Variants in COG5 observed in about 807,000 individuals in gnomAD.
COG5 encodes component of oligomeric golgi complex 5.
Under a neutral mutation model 110.4 loss-of-function variants are expected in COG5, and 86 were observed. The ratio of observed to expected loss-of-function variants is 0.78; its 90% CI spans 0.65 to 0.93. The LOEUF (loss-of-function observed/expected upper bound fraction) is 0.93. Among genes scored for constraint, COG5 ranks in the 40% least tolerant of loss-of-function variants. COG5 has a pLI of 0.00. For missense variants in COG5, 1,077 were observed against 987.0 expected (o/e 1.09, Z -1.22); for synonymous variants, 360 against 334.6 (o/e 1.08, Z -0.83).
chr7:107,528,137 A>C (rs1306691769), intron 5 of COG5, among the ~76,000 whole-genome samples: 1 of 151,638 alleles, frequency 6.6e-6, no homozygotes, highest in Non-Finnish European at 1.5e-5. Context: ...AGTTGCCCAA[A>C]CTGGAGTGCA....
At chr7:107,423,670 A>C (rs1793447451) in intron 6 of COG5, among the ~76,000 whole-genome samples, 1 of 151,990 alleles carries the variant, frequency 6.6e-6, no homozygotes, top group African/African-American at 2.4e-5. Context: ...CAAAAAAAAA[A>C]AACCTACAAA....
At chr7:107,322,514 C>A (rs1229447299) in intron 11 of COG5, among the ~76,000 whole-genome samples, 4 of 151,918 alleles carry the variant, frequency 2.6e-5, no homozygotes, top group Non-Finnish European at 5.9e-5. Context: ...GAAGCTAAAA[C>A]CCCAATAAAA....
At chr7:107,286,059 G>T (rs1562951018) in intron 12 of COG5, among the ~76,000 whole-genome samples, 1 of 152,062 alleles carries the variant, frequency 6.6e-6, no homozygotes, top group Non-Finnish European at 1.5e-5. Flanking sequence ...GATAGGATGA[G>T]GCAAAGGAAG....
chr7:107,516,970 T>G (rs1400689089), intron 6 of COG5, among the ~76,000 whole-genome samples: 3 of 151,954 alleles, frequency 2.0e-5, no homozygotes, highest in African/African-American at 4.8e-5. Flanking sequence ...TCGCAACAGC[T>G]CTCCAGCAAG....
chr7:107,404,182 T>C (rs1306586592), intron 7 of COG5, among the ~76,000 whole-genome samples: 1 of 152,116 alleles, frequency 6.6e-6, no homozygotes, highest in Admixed American at 6.5e-5. Context: ...TGAACTGATA[T>C]TGAAAATGAT....
At chr7:107,518,988 T>A (rs1800139036) in intron 6 of COG5, among the ~76,000 whole-genome samples, 1 of 152,172 alleles carries the variant, frequency 6.6e-6, no homozygotes, top group Non-Finnish European at 1.5e-5. Flanking sequence ...AACTCGGGAT[T>A]AAGAAACTCA....
intron 6 of COG5, among the ~76,000 whole-genome samples, chr7:107,451,472 C>T (rs538992769): frequency 1.2e-4 from 19 of 152,058 alleles, no homozygotes; most frequent in Non-Finnish European, 2.4e-4. Context: ...GGATTGGTAC[C>T]ATACAGAAAC....
intron 16 of COG5, among the ~76,000 whole-genome samples, chr7:107,254,486 G>T (rs1192595296): frequency 6.6e-6 from 1 of 151,984 alleles, no homozygotes; most frequent in African/African-American, 2.4e-5. Context: ...GAGCAATGAA[G>T]TCTCTAACTG....
chr7:107,553,892 C>T (rs1803104472), intron 3 of COG5, among the ~76,000 whole-genome samples: 2 of 152,146 alleles, frequency 1.3e-5, no homozygotes, highest in African/African-American at 4.8e-5. Context: ...AGGCATTGTT[C>T]TAAGTATCTT....
At chr7:107,366,613 G>C (rs1347759098) in intron 8 of COG5, among the ~76,000 whole-genome samples, 1 of 152,078 alleles carries the variant, frequency 6.6e-6, no homozygotes, top group Non-Finnish European at 1.5e-5. Context: ...TCAAGAAAAA[G>C]CAAGTCAGGT....
At chr7:107,218,190 T>C (rs1361585406) in intron 19 of COG5, among the ~76,000 whole-genome samples, 3 of 152,050 alleles carry the variant, frequency 2.0e-5, no homozygotes, top group African/African-American at 7.2e-5. Flanking sequence ...AAAACATTGA[T>C]GAAATAAATT....
intron 5 of COG5, among the ~76,000 whole-genome samples, chr7:107,538,874 TTGAA>T (rs1307419933): frequency 1.3e-5 from 2 of 152,130 alleles, no homozygotes; most frequent in Non-Finnish European, 2.9e-5. Flanking sequence ...GATAAACAAA[TTGAA>T]TGGATAAACA....
At chr7:107,508,093 G>A (rs539011257) in intron 6 of COG5, among the ~76,000 whole-genome samples, 14 of 152,372 alleles carry the variant, frequency 9.2e-5, no homozygotes, top group African/African-American at 2.4e-4. Flanking sequence ...TGCCTCACTC[G>A]GGAAGAGCAA....
intron 16 of COG5, among the ~76,000 whole-genome samples, chr7:107,249,026 T>C (rs1183659771): frequency 6.6e-6 from 1 of 152,208 alleles, no homozygotes. Flanking sequence ...GTATAGATTA[T>C]TTCATCACCC....
At chr7:107,350,431 G>C (rs1309756038) in intron 10 of COG5, among the ~76,000 whole-genome samples, 1 of 151,980 alleles carries the variant, frequency 6.6e-6, no homozygotes, top group Non-Finnish European at 1.5e-5. Context: ...TAAGTCACTT[G>C]TTTCTCAATT....
intron 11 of COG5, among the ~76,000 whole-genome samples, chr7:107,311,131 A>G (rs1808197702): frequency 6.6e-6 from 1 of 152,106 alleles, no homozygotes; most frequent in Non-Finnish European, 1.5e-5. Flanking sequence ...AGATCCTTAA[A>G]AGTAGAATTT....
chr7:107,531,198 T>C (rs2129160321), intron 5 of COG5, among the ~76,000 whole-genome samples: 1 of 152,342 alleles, frequency 6.6e-6, no homozygotes, highest in African/African-American at 2.4e-5. Context: ...CTGGGTTTTG[T>C]TGACTGTATT....
chr7:107,517,145 G>A (rs1799978498), intron 6 of COG5, among the ~76,000 whole-genome samples: 1 of 152,156 alleles, frequency 6.6e-6, no homozygotes, highest in African/African-American at 2.4e-5. Flanking sequence ...AGAATAACCA[G>A]TTTAGAGGGG....
chr7:107,234,227 G>A (rs1800988010), intron 18 of COG5, among the ~76,000 whole-genome samples: 1 of 152,208 alleles, frequency 6.6e-6, no homozygotes, highest in Non-Finnish European at 1.5e-5. Context: ...AGTAAATGCT[G>A]TGTGTGTAAA....
Sources: allele counts gnomAD v4.1 joint callset (sites outside exome capture counted in the v4.1 genomes callset), GRCh38; gene constraint gnomAD v4.1.1; transcripts MANE v1.5; gene names NCBI Gene and HGNC (gene_info 2026-07-23, HGNC 2026-07-21).